WDR36: variants seen among roughly 807,000 people sequenced by gnomAD.
WDR36 encodes WD repeat domain 36.
A neutral mutation model predicts 112.7 loss-of-function variants in WDR36; 63 were observed. The ratio of observed to expected loss-of-function variants is 0.56; its 90% CI spans 0.46 to 0.69. The LOEUF is 0.69. Among genes scored for constraint, WDR36 ranks in the 30% least tolerant of loss-of-function variants. WDR36 has a pLI of 0.00. For missense variants in WDR36, 1,226 were observed against 1,070.3 expected (o/e 1.15, Z -2.03); for synonymous variants, 410 against 362.2 (o/e 1.13, Z -1.50).
chr5:111,112,928 T>C, intron 15 of WDR36, 146 bp from the exon 16 acceptor site: 1 of 186,338 alleles, frequency 5.4e-6, no homozygotes. Flanking sequence ...AATTAATTTT[T>C]TTATGAAGCC....
chr5:111,097,575 T>C (rs1170047058), intron 3 of WDR36, among the ~76,000 whole-genome samples: 1 of 152,232 alleles, frequency 6.6e-6, no homozygotes, highest in East Asian at 1.9e-4. Context: ...TGGTTATTTA[T>C]TATGTATAAC....
In WDR36 at chr5:111,129,415, T is replaced by C. The variant is rs1328510858; in HGVS notation, c.*2532T>C. On this transcript the variant is annotated 3_prime_UTR_variant, in exon 23 of 23. Coordinates refer to ENST00000513710, the MANE Select transcript of WDR36 (RefSeq NM_139281.3). ...ATTAATGACACTTGCTATTGGATTT[T>C]TGTAATTTAATTACTCTGAAAAAAT... 3 of 193,370 alleles carry C rather than the reference T, an allele frequency of 1.6e-5. No individual in the cohort carries two copies. The highest frequency in any genetic ancestry group is 3.2e-5 in the Non-Finnish European group (3 of 92,746). The allele number at this position is 193,370 out of a possible 1,614,324, so 12.0% of individuals were successfully genotyped here. A position where few individuals can be genotyped will look rare whatever the true frequency, so the allele number is the denominator to read the frequency against.
rs886059762 is a variant in WDR36, at chr5:111,104,189, T to C, written c.743T>C (p.Val248Ala). ...SISFRTDGHP[V>A]MAAGSPCGHI... The stretch of plus-strand genomic sequence containing the variant: ...ATTTTAATAACAGATGGTCATCCAG[T>C]AATGGCAGCTGGAAGCCCATGTGGC... Residue 248 changes from valine (V) to alanine (A), a missense_variant, in exon 8 of 23, where the codon GTA becomes GCA. Val to Ala is a moderately conservative substitution (Grantham distance 64). Transcript: ENST00000513710. The C allele has an allele frequency of 1.2e-6, 2 of 1,611,102 alleles. No homozygotes were observed. The highest frequency in any genetic ancestry group is 1.7e-4 in the Middle Eastern group (1 of 6,048).
At chr5:111,124,384 T>C (rs1355524673) in intron 21 of WDR36, among the ~76,000 whole-genome samples, 195 bp downstream of exon 21, 2 of 152,160 alleles carry the variant, frequency 1.3e-5, no homozygotes, top group Non-Finnish European at 2.9e-5. Flanking sequence ...GGTATTGATA[T>C]TATAAAAATC....
chr5:111,097,480 A>T (rs1185943478), intron 3 of WDR36, among the ~76,000 whole-genome samples: 2 of 152,142 alleles, frequency 1.3e-5, no homozygotes, highest in Non-Finnish European at 2.9e-5. Context: ...ATATTTGTTG[A>T]GATAGGACAT....
Position 111,123,796 on chromosome 5 carries a change from C to G in WDR36, c.2149-9C>G. 6.2e-7 allele frequency: 1 copy of G among 1,613,132 alleles called. No individual in the cohort carries two copies. The highest frequency in any genetic ancestry group is 8.5e-7 in the Non-Finnish European group (1 of 1,179,700). On this transcript the variant is annotated splice_polypyrimidine_tract_variant and intron_variant, in intron 19 of 22. Coordinates refer to ENST00000513710, the MANE Select transcript of WDR36 (RefSeq NM_139281.3). The stretch of plus-strand genomic sequence containing the variant: ...TTCCTATTTTTCTTTCTCATTTTCT[C>G]TTAATCAGAAAAAGAATAAACCAAA...
intron 6 of WDR36, 57 bp from the exon 7 acceptor site, chr5:111,103,729 G>A: frequency 6.3e-7 from 1 of 1,599,548 alleles, no homozygotes; most frequent in Non-Finnish European, 8.6e-7. Context: ...CGTATCATCA[G>A]GATTATTAAA....
At position 111,120,968 on chromosome 5, in the gene WDR36, T is replaced by G. The variant is rs752306556; in HGVS notation, c.2003-28T>G. On this transcript the variant is annotated intron_variant, in intron 18 of 22. Coordinates refer to ENST00000513710, the MANE Select transcript of WDR36 (RefSeq NM_139281.3). The stretch of plus-strand genomic sequence containing the variant: ...AGTTGCTTTTATATGATAAAAATCT[T>G]TTGTTTTACCTGAAAAATTTTTTTA... The G allele has an allele frequency of 2.5e-6, 4 of 1,592,138 alleles. No individual in the cohort carries two copies. The South Asian group carries it at 3.3e-5, about 13-fold the overall frequency.
At chr5:111,095,643 C>T (rs926096148) in intron 2 of WDR36, among the ~76,000 whole-genome samples, 1 of 152,036 alleles carries the variant, frequency 6.6e-6, no homozygotes, top group Non-Finnish European at 1.5e-5. Flanking sequence ...GGAACATTTC[C>T]GATTTCAGAT....
At chr5:111,113,044 A>ATATAT (rs767471658) in intron 15 of WDR36, 30 bp from the exon 16 acceptor site, 2 of 406,616 alleles carry the variant, frequency 4.9e-6, no homozygotes, top group South Asian at 1.0e-4. Context: ...TAATATATAT[A>ATATAT]TATATATATT....
At position 111,098,725 on chromosome 5, in the gene WDR36, G is replaced by A; in HGVS notation, c.295G>A (p.Val99Ile). The change falls in exon 4 of 23, where the codon GTA (valine) becomes ATA (isoleucine). Residue 99 changes from valine (V) to isoleucine (I), a missense_variant. Transcript: ENST00000513710. ...CTTTTAAACTTCGATGTTTTAGATA[G>A]TACATACCTTTAAGGGTCATAAGGC... is the stretch of plus-strand genomic sequence containing the variant. Reference protein sequence around the residue: ...FSAFARNKEIVHTFKGHKAEI... With the variant: ...FSAFARNKEIIHTFKGHKAEI... 6.3e-7 allele frequency: 1 copy of A among 1,584,798 alleles called. No homozygotes were observed. Among genetic ancestry groups the A allele is most frequent in the Non-Finnish European group, 8.7e-7 (1 of 1,153,522 alleles).
chr5:111,119,017 A>T lies in WDR36; in HGVS notation c.1801A>T (p.Ile601Leu). The T allele has an allele frequency of 6.2e-7, 1 of 1,612,324 alleles. No homozygotes were observed. Among genetic ancestry groups the T allele is most frequent in the South Asian group, 1.1e-5 (1 of 91,062 alleles). The change falls in exon 17 of 23, where the codon ATA becomes TTA. Residue 601 changes from isoleucine (I) to leucine (L), a missense_variant. By Grantham distance (5) the Ile-to-Leu change is conservative. Transcript: ENST00000513710. ...RTWDLPSGCL[I>L]DCFLLDSAPL... ...ACATGTTAATTATTTCTGTAGCCTT[A>T]TAGACTGCTTTTTGTTGGACTCGGC...
rs1378059553 is a variant in WDR36 at position 111,125,702 on chromosome 5, A to T, written c.2445A>T (p.Glu815Asp). 6.2e-7 allele frequency: 1 copy of T among 1,613,922 alleles called. No individual in the cohort carries two copies. The highest frequency in any genetic ancestry group is 8.5e-7 in the Non-Finnish European group (1 of 1,179,866). ...SLSPDCGGSI[E>D]VMQSFLKMIG... ...CTCCTGATTGTGGTGGGTCCATAGA[A>T]GTTATGCAGAGCTTCTTGAAAATGA... The change falls in exon 22 of 23, where the codon GAA (glutamate) becomes GAT (aspartate). Residue 815 changes from glutamate (E) to aspartate (D), a missense_variant. Physicochemically the swap from Glu to Asp is conservative, Grantham distance 45. Coordinates refer to ENST00000513710, the MANE Select transcript of WDR36 (RefSeq NM_139281.3).
In WDR36 at chr5:111,129,402, T is replaced by C; in HGVS notation, c.*2519T>C. ...GCTTCCCCATGTAATTAATGACACT[T>C]GCTATTGGATTTTTGTAATTTAATT... On this transcript the variant is annotated 3_prime_UTR_variant, in exon 23 of 23. Transcript: ENST00000513710. The C allele has an allele frequency of 5.2e-6, 1 of 193,000 alleles. No homozygotes were observed. Among genetic ancestry groups the C allele is most frequent in the African/African-American group, 2.3e-5 (1 of 43,252 alleles). 12.0% of individuals were successfully genotyped at this position (193,000 alleles called of 1,614,324 possible). A position where few individuals can be genotyped will look rare whatever the true frequency, so the allele number is the denominator to read the frequency against.
At chr5:111,101,325 G>A (rs929233387) in intron 5 of WDR36, among the ~76,000 whole-genome samples, 1 of 151,842 alleles carries the variant, frequency 6.6e-6, no homozygotes. Flanking sequence ...TCTAATAAAG[G>A]TCTATGAGAT....
intron 15 of WDR36, among the ~76,000 whole-genome samples, chr5:111,111,871 G>T (rs1561706612): frequency 2.0e-5 from 3 of 151,818 alleles, no homozygotes; most frequent in Non-Finnish European, 1.5e-5. Context: ...CATATTAAGT[G>T]TATATTATCA....
rs1488203242 is a variant in WDR36, at chr5:111,097,195, C to G, written c.291+16C>G. ...TAATAAAGAGGTTGGTATCGCTAAA[C>G]TACTTGTTTGTCAGTCAGTATTTGT... On this transcript the variant is annotated intron_variant, in intron 3 of 22. Coordinates refer to ENST00000513710, the MANE Select transcript of WDR36 (RefSeq NM_139281.3). The G allele has an allele frequency of 1.8e-5, 29 of 1,578,558 alleles. No individual in the cohort carries two copies. The highest frequency in any genetic ancestry group is 2.3e-5 in the Non-Finnish European group (26 of 1,148,512).
intron 1 of WDR36, among the ~76,000 whole-genome samples, chr5:111,094,511 A>G (rs113904005): frequency 6.6e-6 from 1 of 152,150 alleles, no homozygotes; most frequent in East Asian, 1.9e-4. Context: ...AGGGAGAAGG[A>G]TATTTCATGA....
At chr5:111,108,012 T>G (rs1161608712) in intron 12 of WDR36, among the ~76,000 whole-genome samples, 2 of 151,366 alleles carry the variant, frequency 1.3e-5, no homozygotes, top group East Asian at 3.9e-4. Context: ...GCTTATCAAT[T>G]TCTGCAAAAA....
Sources: allele counts gnomAD v4.1 joint callset (sites outside exome capture counted in the v4.1 genomes callset), GRCh38; gene constraint gnomAD v4.1.1; transcripts MANE v1.5; gene names NCBI Gene and HGNC (gene_info 2026-07-23, HGNC 2026-07-21).